The following ROBO1 variants were observed in gnomAD, a reference collection of about 807,000 sequenced individuals.
ROBO1 encodes the protein roundabout guidance receptor 1.
A neutral mutation model predicts 195.9 loss-of-function variants in ROBO1; 149 were observed. The ratio of observed to expected loss-of-function variants is 0.76; its 90% confidence interval spans 0.67 to 0.87. The LOEUF is 0.87. Among genes scored for constraint, ROBO1 ranks in the 40% least tolerant of loss-of-function variants. The pLI, the probability that ROBO1 is intolerant of heterozygous loss-of-function variation, is 0.00. For synonymous variants in ROBO1, 816 were observed against 733.2 expected, an observed-to-expected ratio of 1.11 and a Z score of -1.82; for missense variants, 1,933 against 2,068.3, an observed-to-expected ratio of 0.93 and a Z score of 1.27.
Position 78,657,191 on chromosome 3 carries a change from AGG to A in ROBO1, c.2519_2520del (p.Pro840LeufsTer25), listed in dbSNP as rs1448029949. The A allele has an allele frequency of 6.2e-7, 1 of 1,613,510 alleles. No individual in the cohort carries two copies. The highest frequency in any genetic ancestry group is 8.5e-7 in the Non-Finnish European group (1 of 1,179,686). ...VDGSTFSVVI[P>X]FLVPGIRYSV... ...CTGTATCGGATTCCAGGAACAAGAAAGGGAATGACCACGGAAAAGGTGGAACC... is the reference window on the plus strand; with the variant it reads ...CTGTATCGGATTCCAGGAACAAGAAAGAATGACCACGGAAAAGGTGGAACC... On this transcript the variant is annotated frameshift_variant, in exon 18 of 31. Coordinates refer to ENST00000464233, the MANE Select transcript of ROBO1 (RefSeq NM_002941.4). LOFTEE classifies it high-confidence loss of function.
chr3:78,744,209 A>G (rs2082600855), intron 5 of ROBO1, among the ~76,000 whole-genome samples: 1 of 152,120 alleles, frequency 6.6e-6, no homozygotes, highest in Non-Finnish European at 1.5e-5. Flanking sequence ...GAGGTCCTTG[A>G]CTTTTCCCTT....
chr3:79,499,074 A>G (rs1939911325), intron 2 of ROBO1, among the ~76,000 whole-genome samples: 2 of 152,114 alleles, frequency 1.3e-5, no homozygotes, highest in African/African-American at 4.8e-5. Flanking sequence ...AGCTCACTGC[A>G]ACCTCTGCCT....
intron 10 of ROBO1, among the ~76,000 whole-genome samples, chr3:78,684,711 G>A (rs2081013393): frequency 6.6e-6 from 1 of 151,996 alleles, no homozygotes; most frequent in Non-Finnish European, 1.5e-5. Context: ...TTATTGAATA[G>A]ATACAGAGAT....
rs1559913788 is a variant in ROBO1 at position 78,842,356 on chromosome 3, TTTTATA to T, written c.500-95462_500-95457del. On this transcript the variant is annotated intron_variant, in intron 4 of 30. Transcript: ENST00000464233. ...TTTTATATATATGAGCCATATATAT[TTTTATA>T]TATATGAGCCATATATATTTTTATA... Among the ~76,000 whole-genome samples the T allele has an allele frequency of 9.1e-4, 82 of 90,566 alleles. 15 individuals carry two copies. Among genetic ancestry groups the T allele is most frequent in the Admixed American group, 1.3e-3 (9 of 6,732 alleles). The allele number at this position is 90,566 out of a possible 152,430, so 59.4% of individuals were successfully genotyped here.
chr3:79,489,060 T>C (rs1434948337), intron 2 of ROBO1, among the ~76,000 whole-genome samples: 1 of 144,588 alleles, frequency 6.9e-6, no homozygotes, highest in East Asian at 1.9e-4. Context: ...GATTTTATGA[T>C]ATTATTAGTG....
intron 1 of ROBO1, among the ~76,000 whole-genome samples, chr3:79,735,679 G>T (rs1703347146): frequency 6.6e-6 from 1 of 152,062 alleles, no homozygotes; most frequent in Non-Finnish European, 1.5e-5. Context: ...GACCATCCTG[G>T]CTAACAGGGT....
chr3:78,716,448 C>A (rs762548534), intron 7 of ROBO1, among the ~76,000 whole-genome samples: 1 of 152,110 alleles, frequency 6.6e-6, no homozygotes, highest in Admixed American at 6.6e-5. Context: ...TGAGAACTCA[C>A]TCACTATCAC....
At chr3:78,750,454 A>AAAAT (rs60201979) in intron 4 of ROBO1, among the ~76,000 whole-genome samples, 40,265 of 135,740 alleles carry the variant, frequency 0.3, 6,115 homozygotes, top group East Asian at 0.44. Flanking sequence ...CTCCATCTCA[A>AAAAT]AAATAAATAA....
At position 79,525,125 on chromosome 3, in the gene ROBO1, A is replaced by C. The variant is rs1424976333; in HGVS notation, c.88+64699T>G. Among the ~76,000 whole-genome samples the C allele has an allele frequency of 3.3e-5, 5 of 151,572 alleles. No homozygotes were observed. The South Asian group carries it at 6.2e-4, about 19-fold the overall frequency. On this transcript the variant is annotated intron_variant, in intron 2 of 30. Coordinates refer to ENST00000464233, the MANE Select transcript of ROBO1 (RefSeq NM_002941.4). Reference sequence around the variant, plus strand: ...CCAATTTCTTTAATGAAAAAGATCCACATTATCACATTATTCTGTTTATCA... The same window carrying C: ...CCAATTTCTTTAATGAAAAAGATCCCCATTATCACATTATTCTGTTTATCA...
intron 2 of ROBO1, among the ~76,000 whole-genome samples, chr3:79,224,003 C>T (rs750852692): frequency 3.9e-5 from 6 of 151,980 alleles, no homozygotes; most frequent in African/African-American, 9.7e-5. Context: ...ATATGTACCT[C>T]TTATATGCAT....
At chr3:78,704,379 G>A (rs145886388) in intron 8 of ROBO1, among the ~76,000 whole-genome samples, 27 of 152,008 alleles carry the variant, frequency 1.8e-4, no homozygotes, top group African/African-American at 3.6e-4. Context: ...GATCTCATAC[G>A]CTGACAGAAA....
intron 2 of ROBO1, among the ~76,000 whole-genome samples, chr3:79,235,179 ATTAT>A (rs1264099869): frequency 2.0e-5 from 3 of 152,106 alleles, no homozygotes; most frequent in African/African-American, 7.2e-5. Context: ...TGAGAAAAAT[ATTAT>A]TTGTCTTCTT....
rs368465067 is a variant in ROBO1, at chr3:79,372,526, G to C, written c.88+217298C>G. Reference sequence around the variant, plus strand: ...GCCTGGCCTCTAGCATTCTTATAAGGAGAGATGTGGGAGTGCTGGCTTGAA... The same window carrying C: ...GCCTGGCCTCTAGCATTCTTATAAGCAGAGATGTGGGAGTGCTGGCTTGAA... On this transcript the variant is annotated intron_variant, in intron 2 of 30. Transcript: ENST00000464233. 2.6e-5 allele frequency among the ~76,000 whole-genome samples: 4 copies of C among 152,004 alleles called. No individual in the cohort carries two copies. In the East Asian group the frequency reaches 7.8e-4, roughly 30 times the overall value.
In ROBO1 at chr3:78,598,322, A is replaced by G. The variant is rs1449171350; in HGVS notation, c.*591T>C. The G allele has an allele frequency of 6.6e-6, 1 of 152,384 alleles. No individual in the cohort carries two copies. The highest frequency in any genetic ancestry group is 1.5e-5 in the Non-Finnish European group (1 of 68,034). The allele number at this position is 152,384 out of a possible 1,614,324, so 9.4% of individuals were successfully genotyped here. A position where few individuals can be genotyped will look rare whatever the true frequency, so the allele number is the denominator to read the frequency against. On this transcript the variant is annotated 3_prime_UTR_variant, in exon 31 of 31. Transcript: ENST00000464233. ...TACCACCAGGGTTTGCAAAGAGTAAATATTTACAATGTTTCTACCCCATTC... is the reference window on the plus strand; with the variant it reads ...TACCACCAGGGTTTGCAAAGAGTAAGTATTTACAATGTTTCTACCCCATTC...
At position 78,598,940 on chromosome 3, in the gene ROBO1, C is replaced by T. The variant is rs374513320; in HGVS notation, c.4942-13G>A. 279 of 1,533,964 alleles carry T rather than the reference C, an allele frequency of 1.8e-4. No individual in the cohort carries two copies. Among genetic ancestry groups the T allele is most frequent in the South Asian group, 1.6e-3 (132 of 81,490 alleles). On this transcript the variant is annotated splice_polypyrimidine_tract_variant and intron_variant, in intron 30 of 30. Coordinates refer to ENST00000464233, the MANE Select transcript of ROBO1 (RefSeq NM_002941.4). Reference sequence around the variant, plus strand: ...AGCTTTCAGTTTCCTGTAAGAGATACGTTATTGTCACATTTGAAAATAAAT... The same window carrying T: ...AGCTTTCAGTTTCCTGTAAGAGATATGTTATTGTCACATTTGAAAATAAAT...
At chr3:78,743,717 G>T (rs1301362132) in intron 5 of ROBO1, among the ~76,000 whole-genome samples, 1 of 152,142 alleles carries the variant, frequency 6.6e-6, no homozygotes, top group Admixed American at 6.5e-5. Context: ...TAACTCAGGG[G>T]CTCAGGCTCT....
chr3:78,787,383 CT>C (rs1456524009), intron 4 of ROBO1, among the ~76,000 whole-genome samples: 1 of 152,074 alleles, frequency 6.6e-6, no homozygotes, highest in Non-Finnish European at 1.5e-5. Flanking sequence ...AATTCAAATA[CT>C]GTTTATGTTT....
intron 1 of ROBO1, among the ~76,000 whole-genome samples, chr3:79,699,560 C>T (rs964573467): frequency 6.6e-6 from 1 of 151,570 alleles, no homozygotes; most frequent in African/African-American, 2.4e-5. Flanking sequence ...GCACACCTAC[C>T]AGGGGTACAA....
At chr3:78,707,554 A>T (rs77567284) in intron 8 of ROBO1, among the ~76,000 whole-genome samples, 1,691 of 152,344 alleles carry the variant, frequency 0.011, 13 homozygotes, top group Non-Finnish European at 0.017. Context: ...TGTATTTTAT[A>T]GTTAAAAGAA....
Sources: allele counts gnomAD v4.1 joint callset (sites outside exome capture counted in the v4.1 genomes callset), GRCh38; gene constraint gnomAD v4.1.1; transcripts MANE v1.5; gene names NCBI Gene and HGNC (gene_info 2026-07-23, HGNC 2026-07-21).